SKAP2: variants seen among roughly 807,000 people sequenced by gnomAD.
SKAP2 encodes the protein src kinase-associated phosphoprotein 2.
In SKAP2, 28 loss-of-function variants were observed where a neutral mutation model predicts 54.9. That is an observed-to-expected ratio of 0.51 (90% CI 0.38 to 0.70). The LOEUF (loss-of-function observed/expected upper bound fraction) is 0.70. Ranked by LOEUF, SKAP2 falls within the 30% of genes least tolerant of loss-of-function variation. The probability of loss-of-function intolerance (pLI) is 0.00; values close to 1 mark genes in which losing one functional copy is unlikely to be tolerated. For missense variants in SKAP2, 356 were observed against 424.1 expected (o/e 0.84, Z 1.41); for synonymous variants, 137 against 134.3 (o/e 1.02, Z -0.14).
At chr7:26,661,482 A>G in the SKAP2 span, among the ~76,000 whole-genome samples, 3 of 152,204 alleles carry the variant, frequency 2.0e-5, no homozygotes, top group Non-Finnish European at 4.4e-5. Flanking sequence ...ATATTACAAC[A>G]TATACCTAAA....
intron 9 of SKAP2, among the ~76,000 whole-genome samples, chr7:26,701,595 T>A (rs1787024121): frequency 6.6e-6 from 1 of 151,986 alleles, no homozygotes; most frequent in Non-Finnish European, 1.5e-5. Context: ...TAGCCAGGTG[T>A]GGTGGTGGGC....
chr7:26,861,362 G>GT (rs1785267889), intron 1 of SKAP2, among the ~76,000 whole-genome samples: 1 of 152,060 alleles, frequency 6.6e-6, no homozygotes, highest in South Asian at 2.1e-4. Flanking sequence ...GGCTAAACCT[G>GT]TTTTTCCATT....
chr7:26,823,455 A>G (rs1403024693), intron 4 of SKAP2, among the ~76,000 whole-genome samples: 1 of 151,720 alleles, frequency 6.6e-6, no homozygotes, highest in Non-Finnish European at 1.5e-5. Context: ...ACAAGCAAAA[A>G]GCAAAACAGC....
At chr7:26,760,575 C>T (rs577630144) in intron 4 of SKAP2, among the ~76,000 whole-genome samples, 1 of 151,944 alleles carries the variant, frequency 6.6e-6, no homozygotes, top group Non-Finnish European at 1.5e-5. Flanking sequence ...ATTAATAATA[C>T]AATAAAACAA....
intron 1 of SKAP2, among the ~76,000 whole-genome samples, chr7:26,863,495 A>C: frequency 6.6e-6 from 1 of 152,188 alleles, no homozygotes. Context: ...TACCTTAAAA[A>C]CATATATTTT....
At chr7:26,809,351 T>G (rs1198518104) in intron 4 of SKAP2, among the ~76,000 whole-genome samples, 1 of 151,674 alleles carries the variant, frequency 6.6e-6, no homozygotes, top group East Asian at 1.9e-4. Flanking sequence ...AGGCAGAGGT[T>G]GCAGTGAGCC....
intron 4 of SKAP2, among the ~76,000 whole-genome samples, chr7:26,816,350 T>G (rs954357455): frequency 6.6e-6 from 1 of 151,964 alleles, no homozygotes; most frequent in Non-Finnish European, 1.5e-5. Flanking sequence ...TGAGAAAAAA[T>G]TTTTGTTTCT....
downstream of SKAP2, among the ~76,000 whole-genome samples, chr7:26,664,770 C>T (rs1486944195): frequency 6.7e-6 from 1 of 149,020 alleles, no homozygotes; most frequent in Non-Finnish European, 1.5e-5. Context: ...TAGGGAAACA[C>T]CTTCCAAAGT....
chr7:26,681,965 C>G (rs942056730), intron 11 of SKAP2, among the ~76,000 whole-genome samples: 1 of 152,018 alleles, frequency 6.6e-6, no homozygotes, highest in Non-Finnish European at 1.5e-5. Context: ...TGTACAACAG[C>G]TGCAATTACC....
chr7:26,757,156 T>G (rs915556068), intron 4 of SKAP2, among the ~76,000 whole-genome samples: 3 of 152,332 alleles, frequency 2.0e-5, no homozygotes, highest in Admixed American at 2.0e-4. Flanking sequence ...TCTTTTGCTG[T>G]GCAGAAGCTC....
chr7:26,855,564 G>A (rs1457474557), intron 1 of SKAP2, among the ~76,000 whole-genome samples: 1 of 152,016 alleles, frequency 6.6e-6, no homozygotes. Flanking sequence ...TCTTAAGGAA[G>A]AAGTACAAAC....
At chr7:26,655,819 C>T in the SKAP2 span, among the ~76,000 whole-genome samples, 2 of 152,252 alleles carry the variant, frequency 1.3e-5, no homozygotes, top group East Asian at 1.9e-4. Flanking sequence ...AATCTTTTAG[C>T]ACAACTAATG....
chr7:26,739,784 T>C (rs1026903438), intron 5 of SKAP2, 103 bp downstream of exon 5: 8 of 766,214 alleles, frequency 1.0e-5, no homozygotes, highest in African/African-American at 5.4e-5. Context: ...CTTTAAACTC[T>C]TTAATCACCT....
chr7:26,686,882 C>G (rs1786656288), intron 10 of SKAP2, among the ~76,000 whole-genome samples: 1 of 152,100 alleles, frequency 6.6e-6, no homozygotes, highest in African/African-American at 2.4e-5. Flanking sequence ...TGGCTGGTTT[C>G]TTTAGTCTGC....
intron 9 of SKAP2, among the ~76,000 whole-genome samples, chr7:26,711,405 T>C (rs1472613671): frequency 6.6e-6 from 1 of 152,208 alleles, no homozygotes; most frequent in African/African-American, 2.4e-5. Context: ...TAGTGAGATA[T>C]GTTAGAAAAT....
Position 26,864,352 on chromosome 7 carries a change from C to T in SKAP2, c.67+11G>A, listed in dbSNP as rs755001222. On this transcript the variant is annotated intron_variant, in intron 1 of 12. Coordinates refer to ENST00000345317, the MANE Select transcript of SKAP2 (RefSeq NM_003930.5). ...CCCCGACAGCATTATCGCCGCCTTC[C>T]CGCTCTTTACCTGCCAACAGGTTCC... 35 of 1,613,822 alleles carry T rather than the reference C, an allele frequency of 2.2e-5. No homozygotes were observed. Among genetic ancestry groups the T allele is most frequent in the Middle Eastern group, 3.3e-4 (2 of 6,062 alleles).
intron 4 of SKAP2, among the ~76,000 whole-genome samples, chr7:26,761,050 A>G (rs554126042): frequency 6.6e-6 from 1 of 152,326 alleles, no homozygotes; most frequent in Non-Finnish European, 1.5e-5. Flanking sequence ...AGTCTGTAGT[A>G]ATGAAGGAAT....
chr7:26,671,189 ATTTCAAG>A (rs1786229294), intron 11 of SKAP2, among the ~76,000 whole-genome samples: 1 of 152,260 alleles, frequency 6.6e-6, no homozygotes, highest in African/African-American at 2.4e-5. Flanking sequence ...AGTAAAATGA[ATTTCAAG>A]TTTCAAGAAT....
chr7:26,661,081 T>C, the SKAP2 span, among the ~76,000 whole-genome samples: 1 of 152,138 alleles, frequency 6.6e-6, no homozygotes. Context: ...AAAAATCAGT[T>C]CATGAAAGCC....
Sources: allele counts gnomAD v4.1 joint callset (sites outside exome capture counted in the v4.1 genomes callset), GRCh38; gene constraint gnomAD v4.1.1; transcripts MANE v1.5; gene names NCBI Gene and HGNC (gene_info 2026-07-23, HGNC 2026-07-21).